Variants in RIMS1 observed in about 807,000 individuals in gnomAD.
RIMS1 encodes regulating synaptic membrane exocytosis protein 1.
In RIMS1, 83 loss-of-function variants were observed where a neutral mutation model predicts 214.1. The observed-to-expected ratio is 0.39, with a 90% CI of 0.32 to 0.47. The LOEUF is 0.47. Ranked by LOEUF, RIMS1 falls within the 20% of genes least tolerant of loss-of-function variation. The pLI is 0.99. For synonymous variants in RIMS1, 793 were observed against 786.8 expected, an observed-to-expected ratio of 1.01 and a Z score of -0.13; for missense variants, 2,050 against 2,161.8, an observed-to-expected ratio of 0.95 and a Z score of 1.03.
chr6:72,400,791 A>G lies in RIMS1; in HGVS notation c.*77A>G. 8.3e-7 allele frequency: 1 copy of G among 1,205,616 alleles called. No homozygotes were observed. Among genetic ancestry groups the G allele is most frequent in the South Asian group, 1.5e-5 (1 of 68,586 alleles). 74.7% of individuals were successfully genotyped at this position (1,205,616 alleles called of 1,614,324 possible). A position where few individuals can be genotyped will look rare whatever the true frequency, so the allele number is the denominator to read the frequency against. ...TCTGAACCAGATATTTCATGATCGA[A>G]AGCATTGTTGGAGACAGACAATCAA... On this transcript the variant is annotated 3_prime_UTR_variant, in exon 34 of 34. Coordinates refer to ENST00000521978, the MANE Select transcript of RIMS1 (RefSeq NM_014989.7).
intron 6 of RIMS1, among the ~76,000 whole-genome samples, chr6:72,226,574 A>C (rs1419138533): frequency 1.3e-5 from 2 of 152,122 alleles, no homozygotes; most frequent in Admixed American, 1.3e-4. Flanking sequence ...AATTACCGGA[A>C]GTTAGGAAGC....
At position 71,924,630 on chromosome 6, in the gene RIMS1, C is replaced by CAAAAAAAAAAAAAAAAA. The variant is rs1250868988; in HGVS notation, c.164+37445_164+37461dup. ...CCAACACAGCAAAACCCCATCTCTG[C>CAAAAAAAAAAAAAAAAA]AAAAAAAAAAAAAAAAAATGCAGAA... On this transcript the variant is annotated intron_variant, in intron 1 of 33. Coordinates refer to ENST00000521978, the MANE Select transcript of RIMS1 (RefSeq NM_014989.7). Among the ~76,000 whole-genome samples, 58 of 76,176 alleles carry CAAAAAAAAAAAAAAAAA rather than the reference C, an allele frequency of 7.6e-4. 2 individuals carry two copies. Among genetic ancestry groups the CAAAAAAAAAAAAAAAAA allele is most frequent in the African/African-American group, 3.1e-3 (56 of 18,282 alleles). 50.0% of individuals were successfully genotyped at this position (76,176 alleles called of 152,430 possible).
At chr6:72,214,133 T>C (rs1292824457) in intron 6 of RIMS1, among the ~76,000 whole-genome samples, 1 of 152,216 alleles carries the variant, frequency 6.6e-6, no homozygotes, top group East Asian at 1.9e-4. Context: ...AAGGATATTT[T>C]AGAATAAGGT....
At chr6:72,188,536 T>C (rs992556215) in intron 6 of RIMS1, among the ~76,000 whole-genome samples, 2 of 152,228 alleles carry the variant, frequency 1.3e-5, no homozygotes, top group Non-Finnish European at 1.5e-5. Context: ...AATATGTTCT[T>C]AACAAAATAA....
At chr6:71,979,405 C>G (rs1404898973) in intron 2 of RIMS1, among the ~76,000 whole-genome samples, 2 of 151,984 alleles carry the variant, frequency 1.3e-5, no homozygotes, top group African/African-American at 4.8e-5. Context: ...GGTCACCCAG[C>G]AGGACAGGGG....
intron 4 of RIMS1, among the ~76,000 whole-genome samples, chr6:72,119,749 A>G (rs2037838633): frequency 6.6e-6 from 1 of 151,646 alleles, no homozygotes; most frequent in African/African-American, 2.4e-5. Context: ...GGTGTGCTGC[A>G]CCCATTAACT....
chr6:72,218,026 T>C (rs2056929011), intron 6 of RIMS1, among the ~76,000 whole-genome samples: 1 of 151,990 alleles, frequency 6.6e-6, no homozygotes, highest in Non-Finnish European at 1.5e-5. Context: ...ATGATTTTCA[T>C]GTAGAAAAAA....
chr6:72,000,908 A>T (rs1212569), intron 2 of RIMS1, among the ~76,000 whole-genome samples: 33,023 of 151,374 alleles, frequency 0.22, 4,396 homozygotes, highest in East Asian at 0.33. Context: ...CACTTCTCAA[A>T]TTTTTTTTTA....
intron 2 of RIMS1, among the ~76,000 whole-genome samples, chr6:72,071,160 G>A (rs1586259235): frequency 6.6e-6 from 1 of 152,232 alleles, no homozygotes; most frequent in East Asian, 1.9e-4. Flanking sequence ...ACTTTGGGAG[G>A]TGAGGCAGAA....
intron 2 of RIMS1, among the ~76,000 whole-genome samples, chr6:72,053,320 T>C (rs2152169136): frequency 6.6e-6 from 1 of 152,350 alleles, no homozygotes; most frequent in African/African-American, 2.4e-5. Flanking sequence ...ATATTTACGT[T>C]GCCTATTTAA....
At chr6:72,194,506 T>G (rs6921962) in intron 6 of RIMS1, among the ~76,000 whole-genome samples, 4,174 of 152,226 alleles carry the variant, frequency 0.027, 73 homozygotes, top group Non-Finnish European at 0.04. Flanking sequence ...AAAAATATGC[T>G]TCCTACTCTA....
At chr6:71,939,453 C>G (rs916245172) in intron 1 of RIMS1, among the ~76,000 whole-genome samples, 2 of 152,186 alleles carry the variant, frequency 1.3e-5, no homozygotes, top group African/African-American at 4.8e-5. Flanking sequence ...TAGCAACAAG[C>G]CCTCTTCCAG....
chr6:72,367,676 G>T (rs941355771), intron 29 of RIMS1, among the ~76,000 whole-genome samples: 4 of 152,060 alleles, frequency 2.6e-5, no homozygotes, highest in African/African-American at 9.7e-5. Context: ...AGTTTGAAAA[G>T]GACAGTCTTA....
At chr6:72,110,452 C>T (rs1266747896) in intron 4 of RIMS1, among the ~76,000 whole-genome samples, 14 of 150,344 alleles carry the variant, frequency 9.3e-5, no homozygotes, top group African/African-American at 3.4e-4. Flanking sequence ...GTATTTTATT[C>T]TCTTTGAAGC....
Position 72,401,941 on chromosome 6 carries a change from G to A in RIMS1, c.*1227G>A, listed in dbSNP as rs1212391002. 1 of 152,556 alleles carries A rather than the reference G, an allele frequency of 6.6e-6. No individual in the cohort carries two copies. Among genetic ancestry groups the A allele is most frequent in the Non-Finnish European group, 1.5e-5 (1 of 68,026 alleles). 9.5% of individuals were successfully genotyped at this position (152,556 alleles called of 1,614,324 possible). On this transcript the variant is annotated 3_prime_UTR_variant, in exon 34 of 34. Transcript: ENST00000521978. ...AATGCAAAGTATCTTACTTTTTGGG[G>A]GGAAAATAAACAAAATGAACTTTCA...
At chr6:72,208,448 A>G (rs2053289762) in intron 6 of RIMS1, among the ~76,000 whole-genome samples, 2 of 152,294 alleles carry the variant, frequency 1.3e-5, no homozygotes, top group East Asian at 1.9e-4. Context: ...AGAACAGGCA[A>G]ATGCTAAGAA....
intron 6 of RIMS1, among the ~76,000 whole-genome samples, chr6:72,193,970 A>G (rs946693415): frequency 5.9e-5 from 9 of 152,192 alleles, no homozygotes; most frequent in South Asian, 2.1e-4. Context: ...CTTGATATTT[A>G]GTTTAAATGA....
At chr6:72,271,301 A>G (rs1451937188) in intron 22 of RIMS1, among the ~76,000 whole-genome samples, 1 of 135,232 alleles carries the variant, frequency 7.4e-6, no homozygotes, top group Non-Finnish European at 1.6e-5. Context: ...ATATATATAT[A>G]TATATATATA....
intron 2 of RIMS1, among the ~76,000 whole-genome samples, chr6:72,056,854 T>TA (rs1441436567): frequency 6.6e-6 from 1 of 152,170 alleles, no homozygotes; most frequent in Non-Finnish European, 1.5e-5. Flanking sequence ...CAGTAGATAT[T>TA]AAAGGATATC....
Sources: gnomAD v4.1 joint callset for allele counts (sites outside exome capture counted in the v4.1 genomes callset) on GRCh38, gnomAD v4.1.1 for gene constraint, MANE v1.5 for transcripts, NCBI Gene and HGNC (gene_info 2026-07-23, HGNC 2026-07-21) for gene names.